NRG1: variants seen among roughly 807,000 people sequenced by gnomAD.
NRG1 encodes the protein neuregulin 1, also known as pro-neuregulin-1, membrane-bound isoform.
A neutral mutation model predicts 63.8 loss-of-function variants in NRG1; 18 were observed. The observed-to-expected ratio is 0.28, with a 90% CI of 0.19 to 0.42. NRG1 has a LOEUF of 0.42. NRG1 is among the 10% of genes least tolerant of loss of function. NRG1 has a pLI of 1.00. For synonymous variants in NRG1, 302 were observed against 301.3 expected, an observed-to-expected ratio of 1.00 and a Z score of -0.02; for missense variants, 762 against 814.7, an observed-to-expected ratio of 0.94 and a Z score of 0.79.
At chr8:31,800,585 A>C in intron 1 of NRG1, among the ~76,000 whole-genome samples, 1 of 152,208 alleles carries the variant, frequency 6.6e-6, no homozygotes, top group East Asian at 1.9e-4. Flanking sequence ...TGGGAATTAA[A>C]AGTGCTTTAA....
chr8:31,739,369 G>A (rs1815033687), intron 1 of NRG1, among the ~76,000 whole-genome samples: 1 of 152,026 alleles, frequency 6.6e-6, no homozygotes, highest in African/African-American at 2.4e-5. Flanking sequence ...TCTTGGTTTA[G>A]CATTTTTTAT....
At position 31,904,641 on chromosome 8, in the gene NRG1, A is replaced by C. The variant is rs1479483039; in HGVS notation, c.37+265210A>C. Among the ~76,000 whole-genome samples the C allele has an allele frequency of 3.3e-5, 5 of 152,232 alleles. No individual in the cohort carries two copies. The East Asian group carries it at 9.6e-4, about 29-fold the overall frequency. On this transcript the variant is annotated intron_variant, in intron 1 of 10. Transcript: ENST00000519301. Reference sequence around the variant, plus strand: ...GGAATCAACCTAAATGCTCACCAACAGTAGACTGGATAAAGGAAATGCGGT... The same window carrying C: ...GGAATCAACCTAAATGCTCACCAACCGTAGACTGGATAAAGGAAATGCGGT...
intron 1 of NRG1, among the ~76,000 whole-genome samples, chr8:32,206,311 G>A (rs909777990): frequency 4.6e-5 from 7 of 151,998 alleles, no homozygotes; most frequent in East Asian, 3.9e-4. Context: ...AATGGCTCTC[G>A]TGAAGCATTC....
chr8:32,322,681 C>A (rs1801554863), intron 1 of NRG1, among the ~76,000 whole-genome samples: 1 of 151,902 alleles, frequency 6.6e-6, no homozygotes. Context: ...TAAAAGCCAG[C>A]CCTGGGGTAG....
intron 1 of NRG1, among the ~76,000 whole-genome samples, chr8:31,696,731 A>G (rs1420946414): frequency 6.6e-6 from 1 of 152,206 alleles, no homozygotes; most frequent in Non-Finnish European, 1.5e-5. Flanking sequence ...GTAAATGGAA[A>G]CCTGAGCAGT....
At chr8:31,842,518 A>G (rs924030009) in intron 1 of NRG1, among the ~76,000 whole-genome samples, 2 of 152,186 alleles carry the variant, frequency 1.3e-5, no homozygotes, top group Non-Finnish European at 2.9e-5. Flanking sequence ...TAAACTCCAT[A>G]TATGCCAACA....
At chr8:32,770,782 C>A (rs1279067024), downstream of NRG1, among the ~76,000 whole-genome samples, 1 of 152,142 alleles carries the variant, frequency 6.6e-6, no homozygotes, top group Admixed American at 6.6e-5. Context: ...AGTTTCCTTC[C>A]TGATTTACAA....
chr8:31,667,771 T>TC (rs1401317291), intron 1 of NRG1, among the ~76,000 whole-genome samples: 2 of 152,218 alleles, frequency 1.3e-5, no homozygotes, highest in African/African-American at 2.4e-5. Flanking sequence ...AGCTCTCATG[T>TC]CACTTTAATT....
intron 1 of NRG1, among the ~76,000 whole-genome samples, chr8:31,956,366 A>C (rs1313132281): frequency 2.0e-5 from 3 of 152,232 alleles, no homozygotes; most frequent in East Asian, 1.9e-4. Context: ...GCGGTAAATC[A>C]CAGCACTTTG....
chr8:31,856,988 G>C (rs564036626), intron 1 of NRG1, among the ~76,000 whole-genome samples: 2 of 152,156 alleles, frequency 1.3e-5, no homozygotes, highest in Non-Finnish European at 2.9e-5. Flanking sequence ...CTCCAGCTGC[G>C]TGCTGGGAGA....
At chr8:32,640,245 T>TCACA (rs111977984) in intron 5 of NRG1, among the ~76,000 whole-genome samples, 2,993 of 147,582 alleles carry the variant, frequency 0.02, 61 homozygotes, top group African/African-American at 0.052. Context: ...CTTCTTTTTG[T>TCACA]CACACACACA....
chr8:32,347,717 G>A (rs189751970), intron 1 of NRG1, among the ~76,000 whole-genome samples: 1 of 152,116 alleles, frequency 6.6e-6, no homozygotes, highest in Non-Finnish European at 1.5e-5. Flanking sequence ...GCCCAGAAAT[G>A]GTTTCAATGT....
chr8:32,568,065 G>A (rs1295616558), intron 1 of NRG1, among the ~76,000 whole-genome samples: 1 of 152,166 alleles, frequency 6.6e-6, no homozygotes, highest in African/African-American at 2.4e-5. Context: ...ATCAACTCCA[G>A]GTGTTTCCGT....
At chr8:32,310,696 T>G (rs1347617621) in intron 1 of NRG1, among the ~76,000 whole-genome samples, 1 of 152,164 alleles carries the variant, frequency 6.6e-6, no homozygotes, top group Non-Finnish European at 1.5e-5. Context: ...TAAATAATAA[T>G]CATGTCTATT....
intron 1 of NRG1, among the ~76,000 whole-genome samples, chr8:32,076,368 A>C (rs1248091961): frequency 6.6e-6 from 1 of 152,190 alleles, no homozygotes; most frequent in Non-Finnish European, 1.5e-5. Flanking sequence ...ATAAACTAAA[A>C]AGTGTTTAAT....
chr8:32,219,621 T>C (rs1845603511), intron 1 of NRG1, among the ~76,000 whole-genome samples: 1 of 152,194 alleles, frequency 6.6e-6, no homozygotes, highest in East Asian at 1.9e-4. Context: ...GCTGAAACAC[T>C]GGCAAATGCT....
intron 1 of NRG1, among the ~76,000 whole-genome samples, chr8:31,902,282 G>C (rs1405287784): frequency 6.6e-6 from 1 of 152,134 alleles, no homozygotes; most frequent in Admixed American, 6.5e-5. Context: ...AGTAGAAAAT[G>C]GGACTTAAAA....
At chr8:32,543,236 T>C (rs551198753) in intron 1 of NRG1, among the ~76,000 whole-genome samples, 45 of 152,328 alleles carry the variant, frequency 3.0e-4, no homozygotes, top group African/African-American at 1.1e-3. Context: ...TGAGAAATTA[T>C]ATACCCAGAT....
chr8:31,692,782 C>T (rs1475229407), intron 1 of NRG1, among the ~76,000 whole-genome samples: 4 of 152,014 alleles, frequency 2.6e-5, no homozygotes, highest in African/African-American at 9.7e-5. Context: ...GATGTCTCAG[C>T]GTGGGGAGGT....
Sources: allele counts gnomAD v4.1 joint callset (sites outside exome capture counted in the v4.1 genomes callset), GRCh38; gene constraint gnomAD v4.1.1; transcripts MANE v1.5; gene names NCBI Gene and HGNC (gene_info 2026-07-23, HGNC 2026-07-21).